The following SRGAP2B variants were observed in gnomAD, a reference collection of about 807,000 sequenced individuals.
SRGAP2B encodes the protein SLIT-ROBO Rho GTPase activating protein 2B, also known as SLIT-ROBO Rho GTPase-activating protein 2B.
Under a neutral mutation model 22.2 loss-of-function variants are expected in SRGAP2B, and 9 were observed. The observed-to-expected ratio is 0.41, with a 90% CI of 0.24 to 0.71. The LOEUF (loss-of-function observed/expected upper bound fraction) is 0.71, where lower values mean the gene tolerates loss of function less well. Among genes scored for constraint, SRGAP2B ranks in the 30% least tolerant of loss-of-function variants. SRGAP2B has a pLI of 0.35. For synonymous variants in SRGAP2B, 36 were observed against 87.4 expected (o/e 0.41, Z 3.28); for missense variants, 114 against 235.8 (o/e 0.48, Z 3.38).
At chr1:144,922,967 G>A (rs1664363179) in intron 4 of SRGAP2B, among the ~76,000 whole-genome samples, 1 of 151,260 alleles carries the variant, frequency 6.6e-6, no homozygotes, top group Non-Finnish European at 1.5e-5. Flanking sequence ...TGAACTTCGT[G>A]GACTCAGCTC....
At chr1:144,957,138 T>G (rs1312530389) in intron 3 of SRGAP2B, among the ~76,000 whole-genome samples, 1 of 150,704 alleles carries the variant, frequency 6.6e-6, no homozygotes, top group East Asian at 1.9e-4. Flanking sequence ...AACTATCTGT[T>G]TCTTTCCCCC....
chr1:144,965,323 T>TCCCTGAC (rs1311232409), intron 3 of SRGAP2B, among the ~76,000 whole-genome samples: 4 of 142,422 alleles, frequency 2.8e-5, no homozygotes, highest in Admixed American at 2.8e-4. Context: ...CTCAAGTGGG[T>TCCCTGAC]CCCTGACCCC....
chr1:145,081,298 A>C (rs1412771368), intron 2 of SRGAP2B, among the ~76,000 whole-genome samples: 1 of 149,754 alleles, frequency 6.7e-6, no homozygotes, highest in East Asian at 1.9e-4. Flanking sequence ...GAGCTGAGAC[A>C]TAAGAAGCAC....
At position 144,964,984 on chromosome 1, in the gene SRGAP2B, C is replaced by T. The variant is rs1667963144; in HGVS notation, c.261-9383G>A. 15 of 1,433,270 alleles carry T rather than the reference C, an allele frequency of 1.0e-5. No homozygotes were observed. In the East Asian group the frequency reaches 2.5e-4, roughly 24 times the overall value. 88.8% of individuals were successfully genotyped at this position (1,433,270 alleles called of 1,614,324 possible). On this transcript the variant is annotated intron_variant, in intron 3 of 9. Transcript: ENST00000612199. The stretch of plus-strand genomic sequence containing the variant: ...GAGCCGCGCCGCCTGCACCAGAGAC[C>T]TTCGCCTCGCCCCGCCGGTTCCTCA...
chr1:144,969,887 A>G (rs1449122221), intron 3 of SRGAP2B, among the ~76,000 whole-genome samples: 8 of 151,088 alleles, frequency 5.3e-5, no homozygotes, highest in Admixed American at 3.3e-4. Context: ...CAAAAAACAC[A>G]TGAAAAAATG....
intron 2 of SRGAP2B, among the ~76,000 whole-genome samples, chr1:145,017,246 ATGTT>A (rs1672491969): frequency 6.7e-6 from 1 of 149,690 alleles, no homozygotes. Flanking sequence ...TCTTATTACT[ATGTT>A]TGCCAGTATT....
intron 5 of SRGAP2B, among the ~76,000 whole-genome samples, chr1:144,907,138 CGTGTGTGT>C (rs1166076665): frequency 1.3e-4 from 17 of 128,268 alleles, no homozygotes; most frequent in African/African-American, 3.3e-4. Flanking sequence ...TGTGTGTGTG[CGTGTGTGT>C]GTGTGTGTGT....
chr1:145,047,238 G>T (rs1351800782), intron 2 of SRGAP2B, among the ~76,000 whole-genome samples: 17 of 36,702 alleles, frequency 4.6e-4, no homozygotes, highest in African/African-American at 1.9e-3. Flanking sequence ...TGCCACCTCA[G>T]TTGTTTGAAC....
chr1:144,974,071 C>T (rs587621329), intron 3 of SRGAP2B, among the ~76,000 whole-genome samples: 13 of 151,088 alleles, frequency 8.6e-5, no homozygotes, highest in South Asian at 6.2e-4. Flanking sequence ...AGGGTATAAA[C>T]GTCTAGAAAA....
chr1:144,966,949 AAT>A (rs1668131306), intron 3 of SRGAP2B, among the ~76,000 whole-genome samples: 1 of 142,296 alleles, frequency 7.0e-6, no homozygotes, highest in African/African-American at 2.9e-5. Flanking sequence ...AACTATCCTA[AAT>A]ATATATGCAC....
chr1:145,094,083 G>A (rs1654235227), intron 1 of SRGAP2B, among the ~76,000 whole-genome samples: 1 of 119,944 alleles, frequency 8.3e-6, no homozygotes, highest in Admixed American at 8.3e-5. Flanking sequence ...GGGGGGCGGC[G>A]AGCGGAAGGC....
chr1:144,893,986 G>C (rs1662246680), intron 8 of SRGAP2B, among the ~76,000 whole-genome samples: 1 of 144,274 alleles, frequency 6.9e-6, no homozygotes. Flanking sequence ...ATGCATGAGA[G>C]CTTTGATTCA....
At chr1:144,957,047 A>G (rs1391898198) in intron 3 of SRGAP2B, among the ~76,000 whole-genome samples, 20 of 150,678 alleles carry the variant, frequency 1.3e-4, no homozygotes, top group Admixed American at 1.2e-3. Context: ...GCCCAAGGTC[A>G]TATAGCTAAA....
intron 2 of SRGAP2B, among the ~76,000 whole-genome samples, chr1:145,080,934 CTAG>C (rs1220832173): frequency 2.0e-5 from 3 of 149,090 alleles, no homozygotes; most frequent in Non-Finnish European, 3.0e-5. Context: ...TGTTTAACCC[CTAG>C]TATTTTAGAT....
At chr1:145,068,934 T>C (rs1651824117) in intron 2 of SRGAP2B, among the ~76,000 whole-genome samples, 1 of 148,624 alleles carries the variant, frequency 6.7e-6, no homozygotes, top group Non-Finnish European at 1.5e-5. Context: ...TGTGTGTGTG[T>C]GTGTGTGTGT....
intron 3 of SRGAP2B, among the ~76,000 whole-genome samples, chr1:144,991,376 G>A (rs1376399086): frequency 2.0e-5 from 3 of 150,012 alleles, no homozygotes; most frequent in African/African-American, 5.0e-5. Flanking sequence ...TGCACCAATC[G>A]ACACTCTGTA....
chr1:144,925,668 A>G (rs1344177471), intron 4 of SRGAP2B, among the ~76,000 whole-genome samples: 1 of 143,826 alleles, frequency 7.0e-6, no homozygotes, highest in African/African-American at 2.7e-5. Context: ...AGAAAAAAAA[A>G]GGACAGAAAG....
chr1:145,021,994 A>C (rs1249350457), intron 2 of SRGAP2B, among the ~76,000 whole-genome samples: 2 of 145,900 alleles, frequency 1.4e-5, no homozygotes, highest in African/African-American at 2.7e-5. Flanking sequence ...CCACCCTAAA[A>C]ACAAAATAAA....
rs55768890 is a variant in SRGAP2B at position 144,945,590 on chromosome 1, A to AAAACAAAC, written c.423+9841_423+9848dup. Among the ~76,000 whole-genome samples the AAAACAAAC allele has an allele frequency of 8.0e-5, 12 of 150,304 alleles. No individual in the cohort carries two copies. In the South Asian group the frequency reaches 1.0e-3, roughly 13 times the overall value. On this transcript the variant is annotated intron_variant, in intron 4 of 9. Coordinates refer to ENST00000612199, the Ensembl canonical transcript of SRGAP2B. ...TGGGGGACAGAGACTCCATCTCTTT[A>AAAACAAAC]AAACAAACAAACAAACAAACAAACA...
Sources: gnomAD v4.1 joint callset for allele counts (sites outside exome capture counted in the v4.1 genomes callset) on GRCh38, gnomAD v4.1.1 for gene constraint, MANE v1.5 for transcripts, NCBI Gene and HGNC (gene_info 2026-07-23, HGNC 2026-07-21) for gene names.